EIF3E: variants seen among roughly 807,000 people sequenced by gnomAD.
EIF3E encodes eukaryotic translation initiation factor 3 subunit E, also known as eIF-3 p48.
In EIF3E, 25 loss-of-function variants were observed where a neutral mutation model predicts 59.3. The observed-to-expected ratio is 0.42, with a 90% CI of 0.31 to 0.59. EIF3E has a LOEUF of 0.59. Ranked by LOEUF, EIF3E falls within the 20% of genes least tolerant of loss-of-function variation. The pLI, the probability that EIF3E is intolerant of heterozygous loss-of-function variation, is 0.15. For synonymous variants in EIF3E, 176 were observed against 170.2 expected, an observed-to-expected ratio of 1.03 and a Z score of -0.26; for missense variants, 317 against 534.3, an observed-to-expected ratio of 0.59 and a Z score of 4.01.
intron 7 of EIF3E, among the ~76,000 whole-genome samples, chr8:108,218,112 C>T (rs1299582568): frequency 3.9e-5 from 6 of 152,134 alleles, no homozygotes; most frequent in African/African-American, 1.4e-4. Context: ...CAAATAGCTC[C>T]CTATTTATTT....
At chr8:108,207,115 T>C (rs1291586055) in intron 10 of EIF3E, among the ~76,000 whole-genome samples, 1 of 152,220 alleles carries the variant, frequency 6.6e-6, no homozygotes, top group Non-Finnish European at 1.5e-5. Flanking sequence ...TCTAAGCTGC[T>C]GATTATCACT....
intron 8 of EIF3E, 54 bp downstream of exon 8, chr8:108,217,280 A>G (rs952509278): frequency 1.6e-5 from 21 of 1,354,486 alleles, no homozygotes; most frequent in Non-Finnish European, 2.1e-5. Context: ...AAAAGAGGTT[A>G]GACCTAAAGC....
At chr8:108,209,729 C>T (rs560721356) in intron 10 of EIF3E, among the ~76,000 whole-genome samples, 6 of 152,244 alleles carry the variant, frequency 3.9e-5, no homozygotes, top group African/African-American at 9.6e-5. Flanking sequence ...GGAAGCTGAA[C>T]ACTAACTTTT....
chr8:108,211,849 G>A (rs562330431), intron 10 of EIF3E, among the ~76,000 whole-genome samples: 1 of 152,302 alleles, frequency 6.6e-6, no homozygotes, highest in South Asian at 2.1e-4. Context: ...GCTATAGGGA[G>A]TTTATAAAAC....
At chr8:108,231,399 C>G (rs1007899000) in intron 5 of EIF3E, among the ~76,000 whole-genome samples, 1 of 152,090 alleles carries the variant, frequency 6.6e-6, no homozygotes, top group African/African-American at 2.4e-5. Flanking sequence ...CAGGATACAA[C>G]AGAGCCAGAA....
chr8:108,223,719 A>G (rs988588892), intron 7 of EIF3E, among the ~76,000 whole-genome samples: 6 of 151,730 alleles, frequency 4.0e-5, no homozygotes, highest in African/African-American at 1.5e-4. Flanking sequence ...TCTATCTTAC[A>G]CCTGCCACCT....
chr8:108,238,018 T>G (rs1815766801), intron 3 of EIF3E, among the ~76,000 whole-genome samples: 1 of 152,230 alleles, frequency 6.6e-6, no homozygotes, highest in African/African-American at 2.4e-5. Context: ...ATCCTCTTTT[T>G]CTAACTGGTG....
At chr8:108,234,947 A>C in intron 5 of EIF3E, 51 bp downstream of exon 5, 1 of 1,195,466 alleles carries the variant, frequency 8.4e-7, no homozygotes, top group South Asian at 1.5e-5. Flanking sequence ...AACCAAGGGA[A>C]TCCTACAAAA....
intron 10 of EIF3E, among the ~76,000 whole-genome samples, chr8:108,210,315 G>A (rs627019): frequency 0.5 from 76,213 of 151,868 alleles, 19,180 homozygotes; most frequent in African/African-American, 0.58. Context: ...TCTCAAGCCT[G>A]CATCACAGAG....
chr8:108,248,093 C>T (rs1299589171), intron 1 of EIF3E, among the ~76,000 whole-genome samples: 1 of 151,766 alleles, frequency 6.6e-6, no homozygotes, highest in Non-Finnish European at 1.5e-5. Context: ...TCCTACTTAA[C>T]CAAGACAAGA....
chr8:108,213,464 C>T (rs761950813), intron 10 of EIF3E, among the ~76,000 whole-genome samples: 1 of 152,262 alleles, frequency 6.6e-6, no homozygotes. Context: ...CCCACAACAG[C>T]GGTAGTAGCT....
chr8:108,236,134 A>G (rs1448901993), intron 4 of EIF3E, 27 bp downstream of exon 4: 1 of 1,596,686 alleles, frequency 6.3e-7, no homozygotes, highest in South Asian at 1.1e-5. Flanking sequence ...AAACATGACA[A>G]CTTTAAAATA....
At chr8:108,223,171 C>G (rs1815451829) in intron 7 of EIF3E, among the ~76,000 whole-genome samples, 1 of 152,042 alleles carries the variant, frequency 6.6e-6, no homozygotes, top group East Asian at 1.9e-4. Context: ...TAACTAAACA[C>G]CAAATACAAG....
chr8:108,202,274 C>T (rs1586187463), intron 12 of EIF3E, among the ~76,000 whole-genome samples: 2 of 152,056 alleles, frequency 1.3e-5, no homozygotes, highest in South Asian at 4.1e-4. Flanking sequence ...AAATATGCAA[C>T]TTGAATTCTA....
chr8:108,213,591 C>A (rs1225642562), intron 10 of EIF3E, among the ~76,000 whole-genome samples: 1 of 152,150 alleles, frequency 6.6e-6, no homozygotes, highest in Non-Finnish European at 1.5e-5. Context: ...TAATTACAAA[C>A]CTTAAAAACA....
chr8:108,236,721 A>G (rs1294207972), intron 3 of EIF3E, among the ~76,000 whole-genome samples: 1 of 152,178 alleles, frequency 6.6e-6, no homozygotes, highest in Admixed American at 6.5e-5. Flanking sequence ...CAAATTTACA[A>G]GATTAATAAA....
intron 6 of EIF3E, 79 bp downstream of exon 6, chr8:108,228,991 G>A (rs1716307706): frequency 2.2e-6 from 3 of 1,363,798 alleles, no homozygotes; most frequent in Admixed American, 2.7e-5. Context: ...TTCCCAAAAT[G>A]CATAGTGATT....
chr8:108,210,042 CTTTT>C (rs34870098), intron 10 of EIF3E, among the ~76,000 whole-genome samples: 23 of 145,864 alleles, frequency 1.6e-4, no homozygotes, highest in Non-Finnish European at 3.2e-4. Flanking sequence ...AACAGTTTAA[CTTTT>C]TTTTTTTTTT....
chr8:108,215,917 A>C (rs921949452), intron 9 of EIF3E, among the ~76,000 whole-genome samples: 1 of 152,200 alleles, frequency 6.6e-6, no homozygotes, highest in Non-Finnish European at 1.5e-5. Context: ...GCCGTTATAA[A>C]ATTCGTAATT....
Sources: allele counts gnomAD v4.1 joint callset (sites outside exome capture counted in the v4.1 genomes callset), GRCh38; gene constraint gnomAD v4.1.1; transcripts MANE v1.5; gene names NCBI Gene and HGNC (gene_info 2026-07-23, HGNC 2026-07-21).